Variants in PRKAR2B observed in about 807,000 individuals in gnomAD.
The protein encoded by PRKAR2B is cAMP-dependent protein kinase type II-beta regulatory subunit.
Under a neutral mutation model 49.9 loss-of-function variants are expected in PRKAR2B, and 14 were observed. That is an observed-to-expected ratio of 0.28 (90% CI 0.19 to 0.44). PRKAR2B has a LOEUF of 0.44. Among genes scored for constraint, PRKAR2B ranks in the 20% least tolerant of loss-of-function variants. The pLI is 1.00. For synonymous variants in PRKAR2B, 196 were observed against 197.7 expected, an observed-to-expected ratio of 0.99 and a Z score of 0.07; for missense variants, 393 against 537.9, an observed-to-expected ratio of 0.73 and a Z score of 2.67.
chr7:107,045,161 C>T lies in PRKAR2B; in HGVS notation c.254C>T (p.Ser85Phe). 1 of 1,486,544 alleles carries T rather than the reference C, an allele frequency of 6.7e-7. No individual in the cohort carries two copies. Among genetic ancestry groups the T allele is most frequent in the Non-Finnish European group, 8.9e-7 (1 of 1,118,340 alleles). The allele number at this position is 1,486,544 out of a possible 1,614,324, so 92.1% of individuals were successfully genotyped here. Residue 85 changes from serine (S) to phenylalanine (F), a missense_variant, in exon 1 of 11, where the codon TCC becomes TTC. This residue lies in a region of PRKAR2B where 160 missense variants were observed against 147.6 expected (regional missense o/e 1.08). Coordinates refer to ENST00000265717, the MANE Select transcript of PRKAR2B (RefSeq NM_002736.3). Reference protein sequence around the residue: ...NFAEEPMQSDSEDGEEEEAAP... With the variant: ...NFAEEPMQSDFEDGEEEEAAP... ...GCCGAGGAGCCCATGCAGTCCGACTCCGAGGACGGGGAGGAGGAGGAGGCG... is the reference window on the plus strand; with the variant it reads ...GCCGAGGAGCCCATGCAGTCCGACTTCGAGGACGGGGAGGAGGAGGAGGCG...
chr7:107,153,275 C>T, intron 8 of PRKAR2B, 24 bp downstream of exon 8: 1 of 1,557,428 alleles, frequency 6.4e-7, no homozygotes. Flanking sequence ...AAATGTAATT[C>T]AGTTTAGGGT....
intron 4 of PRKAR2B, among the ~76,000 whole-genome samples, 170 bp from the exon 5 acceptor site, chr7:107,140,677 T>G (rs1404752633): frequency 6.6e-6 from 1 of 152,194 alleles, no homozygotes; most frequent in Non-Finnish European, 1.5e-5. Context: ...TATAATCATC[T>G]TATTTGTATG....
At chr7:107,117,566 GT>G (rs1795299719) in intron 2 of PRKAR2B, among the ~76,000 whole-genome samples, 1 of 152,160 alleles carries the variant, frequency 6.6e-6, no homozygotes, top group Admixed American at 6.5e-5. Context: ...GAATCGTGGA[GT>G]TCAGTCTGCT....
rs1183681190 is a variant in PRKAR2B, at chr7:107,069,052, A to C, written c.308-1229A>C. 3.3e-5 allele frequency among the ~76,000 whole-genome samples: 5 copies of C among 152,200 alleles called. No homozygotes were observed. In the East Asian group the frequency reaches 7.7e-4, roughly 24 times the overall value. On this transcript the variant is annotated intron_variant, in intron 1 of 10. Coordinates refer to ENST00000265717, the MANE Select transcript of PRKAR2B (RefSeq NM_002736.3). ...TGGGTTCAAGCGATTCTCCTGCCCC[A>C]GCCTCCCAAGTAGCTGGGATTAGAG... is the stretch of plus-strand genomic sequence containing the variant.
chr7:107,126,422 A>AAAAAAAAAAAAAAAAAAAG, intron 3 of PRKAR2B, among the ~76,000 whole-genome samples: 1 of 142,424 alleles, frequency 7.0e-6, no homozygotes, highest in African/African-American at 2.6e-5. Context: ...ATCTGTCTCA[A>AAAAAAAAAAAAAAAAAAAG]AAAAAAAAAA....
chr7:107,105,206 C>T (rs930693141), intron 2 of PRKAR2B, among the ~76,000 whole-genome samples: 7 of 152,134 alleles, frequency 4.6e-5, no homozygotes, highest in African/African-American at 1.7e-4. Flanking sequence ...AAACAGAGGA[C>T]TACTTGAGAA....
intron 7 of PRKAR2B, 78 bp from the exon 8 acceptor site, chr7:107,153,099 C>A: frequency 9.5e-7 from 1 of 1,047,778 alleles, no homozygotes. Flanking sequence ...CTATAGGCTA[C>A]CAGTTTTTTA....
intron 4 of PRKAR2B, among the ~76,000 whole-genome samples, chr7:107,138,298 G>C (rs952481202): frequency 6.6e-6 from 1 of 152,166 alleles, no homozygotes; most frequent in Non-Finnish European, 1.5e-5. Context: ...CCACTCCAGT[G>C]GAGGATGTTT....
At chr7:107,079,369 A>C (rs1794470534) in intron 2 of PRKAR2B, 1 of 152,126 alleles carries the variant, frequency 6.6e-6, no homozygotes, top group Non-Finnish European at 1.5e-5. Flanking sequence ...GGTGTGTGCT[A>C]CATGAGATAA....
chr7:107,101,135 A>ATTTTTTTTTTT (rs950761298), intron 2 of PRKAR2B, among the ~76,000 whole-genome samples: 20 of 94,680 alleles, frequency 2.1e-4, no homozygotes, highest in South Asian at 7.1e-4. Context: ...GTTGTTGCTT[A>ATTTTTTTTTTT]TTTTTTTTTT....
intron 1 of PRKAR2B, chr7:107,066,975 C>CTACG (rs1189507141): frequency 6.6e-6 from 1 of 152,250 alleles, no homozygotes; most frequent in Non-Finnish European, 1.5e-5. Flanking sequence ...CATGGTTCAT[C>CTACG]TACGCCATCA....
intron 1 of PRKAR2B, among the ~76,000 whole-genome samples, chr7:107,063,821 T>C (rs1339936581): frequency 6.6e-6 from 1 of 152,212 alleles, no homozygotes; most frequent in African/African-American, 2.4e-5. Flanking sequence ...GGAGCTGTTT[T>C]GTTGTGACTT....
chr7:107,152,200 C>T (rs191186667), intron 7 of PRKAR2B, among the ~76,000 whole-genome samples: 28 of 152,294 alleles, frequency 1.8e-4, no homozygotes, highest in Admixed American at 5.2e-4. Flanking sequence ...CTGGTTGTGG[C>T]ACTGCTCTAT....
chr7:107,092,348 C>T (rs986992921), intron 2 of PRKAR2B, among the ~76,000 whole-genome samples: 4 of 151,366 alleles, frequency 2.6e-5, no homozygotes, highest in Admixed American at 6.6e-5. Context: ...GGATAGAATC[C>T]TGAAGTTTCA....
chr7:107,148,028 G>T (rs1795922874), intron 6 of PRKAR2B, among the ~76,000 whole-genome samples: 1 of 152,156 alleles, frequency 6.6e-6, no homozygotes. Context: ...TTAAAAATGT[G>T]ATGAGTCACT....
At chr7:107,090,339 A>G (rs1178483929) in intron 2 of PRKAR2B, among the ~76,000 whole-genome samples, 1 of 152,196 alleles carries the variant, frequency 6.6e-6, no homozygotes, top group Non-Finnish European at 1.5e-5. Context: ...GCAGCAAGAA[A>G]GAGGTGGACC....
intron 1 of PRKAR2B, among the ~76,000 whole-genome samples, chr7:107,065,366 GTGTGTGTGTGTTT>G (rs1794118863): frequency 1.8e-5 from 2 of 109,942 alleles, no homozygotes; most frequent in Non-Finnish European, 3.8e-5. Context: ...GTGTGTGTGT[GTGTGTGTGTGTTT>G]ATGACTGCAG....
chr7:107,160,875 T>C lies in PRKAR2B; in HGVS notation c.*1293T>C, dbSNP rs964754735. On this transcript the variant is annotated 3_prime_UTR_variant, in exon 11 of 11. Transcript: ENST00000265717. ...CTGCCACATAAGATGAATTTAATTA[T>C]ATTCAACCAAAGCAATATACTCTTA... The C allele has an allele frequency of 6.6e-6, 1 of 152,198 alleles. No individual in the cohort carries two copies. The highest frequency in any genetic ancestry group is 2.4e-5 in the African/African-American group (1 of 41,456). 9.4% of individuals were successfully genotyped at this position (152,198 alleles called of 1,614,324 possible).
chr7:107,079,827 GA>G (rs1394312841), intron 2 of PRKAR2B, among the ~76,000 whole-genome samples: 1 of 152,160 alleles, frequency 6.6e-6, no homozygotes, highest in Non-Finnish European at 1.5e-5. Flanking sequence ...CACTCTGGAT[GA>G]GGTCAAAGAA....
Sources: allele counts gnomAD v4.1 joint callset (sites outside exome capture counted in the v4.1 genomes callset), GRCh38; gene constraint gnomAD v4.1.1; regional missense constraint gnomAD v4.1.1; transcripts MANE v1.5; gene names NCBI Gene and HGNC (gene_info 2026-07-23, HGNC 2026-07-21).